USP8: variants seen among roughly 807,000 people sequenced by gnomAD.
USP8 encodes ubiquitin carboxyl-terminal hydrolase 8.
USP8 carries 27 observed loss-of-function variants against 130.0 expected under a neutral mutation model. That is an observed-to-expected ratio of 0.21 (90% CI 0.15 to 0.29). The LOEUF is 0.29. Ranked by LOEUF, USP8 falls within the 10% of genes least tolerant of loss-of-function variation. USP8 has a pLI of 1.00. For missense variants in USP8, 1,029 were observed against 1,312.2 expected (o/e 0.78, Z 3.33); for synonymous variants, 392 against 444.1 (o/e 0.88, Z 1.48).
In USP8 at chr15:50,505,255, A is replaced by G. The variant is rs2052643108; in HGVS notation, c.*6167A>G. On this transcript the variant is annotated 3_prime_UTR_variant, in exon 20 of 20. Transcript: ENST00000307179. ...TAAAAATAATACTGCAGAACAACAG[A>G]GACAAAGAGAAAAAGCTTAAAAGCA... The G allele has an allele frequency of 6.6e-6, 1 of 152,198 alleles. No homozygotes were observed. Among genetic ancestry groups the G allele is most frequent in the African/African-American group, 2.4e-5 (1 of 41,452 alleles). The allele number at this position is 152,198 out of a possible 1,614,324, so 9.4% of individuals were successfully genotyped here. A position where few individuals can be genotyped will look rare whatever the true frequency, so the allele number is the denominator to read the frequency against.
At chr15:50,498,031 A>T (rs1019959498) in intron 18 of USP8, among the ~76,000 whole-genome samples, 1 of 152,210 alleles carries the variant, frequency 6.6e-6, no homozygotes, top group South Asian at 2.1e-4. Flanking sequence ...AAGTATAAAC[A>T]TTCTATAAGT....
chr15:50,447,482 C>T (rs1284296487), intron 3 of USP8, among the ~76,000 whole-genome samples: 1 of 152,096 alleles, frequency 6.6e-6, no homozygotes, highest in African/African-American at 2.4e-5. Context: ...CTCAGGTGAT[C>T]CACCCACCTC....
chr15:50,471,681 C>T lies in USP8; in HGVS notation c.735C>T (p.Asp245=). ...CACACCTGCCAGATGATTCTAAAGA[C>T]ACATGGAAGAAGAGGGGGAATGTGG... The part of the protein sequence containing the change: ...IEAHLPDDSK[D]TWKKRGNVEY... Residue 245 remains aspartate, a synonymous_variant, in exon 8 of 20, where the codon GAC becomes GAT. Transcript: ENST00000307179. 1.9e-6 allele frequency: 3 copies of T among 1,613,958 alleles called. No homozygotes were observed. The highest frequency in any genetic ancestry group is 2.7e-5 in the African/African-American group (2 of 75,002).
intron 6 of USP8, among the ~76,000 whole-genome samples, chr15:50,464,716 G>T (rs2051125098): frequency 6.6e-6 from 1 of 152,092 alleles, no homozygotes. Flanking sequence ...AATTAGCCAG[G>T]CGTGGTAACA....
intron 3 of USP8, among the ~76,000 whole-genome samples, chr15:50,447,407 A>G (rs1274492664): frequency 1.3e-5 from 2 of 151,832 alleles, no homozygotes; most frequent in African/African-American, 2.4e-5. Context: ...CGCCTGGCTA[A>G]TTTTCATATT....
In USP8 at chr15:50,490,284, A is replaced by G. The variant is rs754719632; in HGVS notation, c.1993A>G (p.Thr665Ala). Residue 665 changes from threonine to alanine, a missense_variant, in exon 14 of 20, where the codon ACC becomes GCC. This residue lies in a region of USP8 where 486 missense variants were observed against 522.0 expected (regional missense o/e 0.93). Coordinates refer to ENST00000307179, the MANE Select transcript of USP8 (RefSeq NM_005154.5). ...WAKFLDPITGTFRYYHSPTNT... is the reference protein window; with the variant it reads ...WAKFLDPITGAFRYYHSPTNT... ...TAAGTTTCTTGACCCAATCACTGGA[A>G]CCTTTCGTTATTATCATTCACCCAC... 1 of 1,612,756 alleles carries G rather than the reference A, an allele frequency of 6.2e-7. No individual in the cohort carries two copies. Among genetic ancestry groups the G allele is most frequent in the African/African-American group, 1.3e-5 (1 of 74,636 alleles).
At chr15:50,433,887 G>A (rs1044021890) in intron 1 of USP8, among the ~76,000 whole-genome samples, 1 of 152,238 alleles carries the variant, frequency 6.6e-6, no homozygotes, top group African/African-American at 2.4e-5. Flanking sequence ...TTACAGGCGT[G>A]AGCCACTGTG....
chr15:50,468,711 C>T (rs925255737), intron 7 of USP8, among the ~76,000 whole-genome samples: 1 of 152,082 alleles, frequency 6.6e-6, no homozygotes, highest in Non-Finnish European at 1.5e-5. Context: ...CTTACACTCC[C>T]CCCTCAAGTA....
intron 18 of USP8, 41 bp from the exon 19 acceptor site, chr15:50,498,555 A>G (rs746327016): frequency 1.3e-6 from 2 of 1,554,186 alleles, no homozygotes; most frequent in Non-Finnish European, 1.7e-6. Flanking sequence ...TCATCCTGGT[A>G]TCTTCCTCTG....
intron 7 of USP8, chr15:50,467,029 T>C: frequency 1.8e-6 from 1 of 563,850 alleles, no homozygotes; most frequent in South Asian, 2.5e-5. Flanking sequence ...CTTTCTGAGA[T>C]TGTTAAGCAG....
In USP8 at chr15:50,482,063, A is replaced by G. The variant is rs567071169; in HGVS notation, c.1801A>G (p.Lys601Glu). ...TSVTGDSGSGKPFKIKGQPES... is the reference protein window; with the variant it reads ...TSVTGDSGSGEPFKIKGQPES... ...TGTGACAGGGGATTCAGGTTCAGGC[A>G]AGGTAAGCAGAAACAGTACAAATTG... Residue 601 changes from lysine (K) to glutamate (E), a missense_variant and splice_region_variant, in exon 11 of 20, where the codon AAG (lysine) becomes GAG (glutamate). Transcript: ENST00000307179. 11 of 1,496,004 alleles carry G rather than the reference A, an allele frequency of 7.4e-6. No homozygotes were observed. The East Asian group carries it at 2.4e-4, about 33-fold the overall frequency. The allele number at this position is 1,496,004 out of a possible 1,614,324, so 92.7% of individuals were successfully genotyped here. A position where few individuals can be genotyped will look rare whatever the true frequency, so the allele number is the denominator to read the frequency against.
rs541875051 is a variant in USP8, at chr15:50,507,561, G to C, written c.*8473G>C. On this transcript the variant is annotated 3_prime_UTR_variant, in exon 20 of 20. Transcript: ENST00000307179. ...AAAAAAGGTTTAAATCACCCAAATTGTATAATTTGAAACTGCTACCTACCT... is the reference window on the plus strand; with the variant it reads ...AAAAAAGGTTTAAATCACCCAAATTCTATAATTTGAAACTGCTACCTACCT... The C allele has an allele frequency of 6.6e-6, 1 of 152,076 alleles. No homozygotes were observed. Among genetic ancestry groups the C allele is most frequent in the East Asian group, 1.9e-4 (1 of 5,190 alleles). 9.4% of individuals were successfully genotyped at this position (152,076 alleles called of 1,614,324 possible).
rs565496678 is a variant in USP8 at position 50,477,554 on chromosome 15, G to A, written c.1218+55G>A. ...CTTTTGTTTTAATATTAAATATATAGTATAGCTGGGCACAGTGCCTCACGC... is the reference window on the plus strand; with the variant it reads ...CTTTTGTTTTAATATTAAATATATAATATAGCTGGGCACAGTGCCTCACGC... On this transcript the variant is annotated intron_variant, in intron 10 of 19. Transcript: ENST00000307179. 2.5e-4 allele frequency: 375 copies of A among 1,492,940 alleles called. 2 individuals carry two copies. In the African/African-American group the frequency reaches 4.9e-3, roughly 20 times the overall value. The allele number at this position is 1,492,940 out of a possible 1,614,324, so 92.5% of individuals were successfully genotyped here. A position where few individuals can be genotyped will look rare whatever the true frequency, so the allele number is the denominator to read the frequency against.
At chr15:50,498,243 C>G (rs1220766705) in intron 18 of USP8, 1 of 172,046 alleles carries the variant, frequency 5.8e-6, no homozygotes, top group Non-Finnish European at 1.2e-5. Flanking sequence ...AAGCTTGACT[C>G]GAGAGCAGCT....
chr15:50,435,424 G>A (rs578001130), intron 1 of USP8, among the ~76,000 whole-genome samples: 56 of 152,242 alleles, frequency 3.7e-4, no homozygotes, highest in African/African-American at 1.3e-3. Context: ...TTTAAAGTAA[G>A]GTTATATGCA....
At position 50,508,444 on chromosome 15, in the gene USP8, G is replaced by A. The variant is rs1323319615; in HGVS notation, c.*9356G>A. On this transcript the variant is annotated 3_prime_UTR_variant, in exon 20 of 20. Transcript: ENST00000307179. The stretch of plus-strand genomic sequence containing the variant: ...TGTTATGCTGTCCAATTTTGTATAT[G>A]TTTGAAATATTCTATAATAAAAAAA... The A allele has an allele frequency of 1.3e-5, 2 of 152,088 alleles. No individual in the cohort carries two copies. The highest frequency in any genetic ancestry group is 4.8e-5 in the African/African-American group (2 of 41,400). The allele number at this position is 152,088 out of a possible 1,614,324, so 9.4% of individuals were successfully genotyped here. A position where few individuals can be genotyped will look rare whatever the true frequency, so the allele number is the denominator to read the frequency against.
chr15:50,457,006 C>A (rs940180482), intron 4 of USP8, among the ~76,000 whole-genome samples: 7 of 152,240 alleles, frequency 4.6e-5, no homozygotes, highest in Non-Finnish European at 8.8e-5. Flanking sequence ...ATGCTAATTT[C>A]TTCTCCAAGA....
At chr15:50,486,199 A>G (rs983046271) in intron 12 of USP8, among the ~76,000 whole-genome samples, 11 of 152,180 alleles carry the variant, frequency 7.2e-5, no homozygotes, top group Non-Finnish European at 1.0e-4. Flanking sequence ...AAAGAGGGGG[A>G]AAAAAGGGTA....
rs1027511063 is a variant in USP8, at chr15:50,493,928, T to C, written c.2448-142T>C. On this transcript the variant is annotated intron_variant, in intron 15 of 19. Transcript: ENST00000307179. Reference sequence around the variant, plus strand: ...AAGTCAGATTCAGATGAGAATCTGGTGGTGAGCCTGCAAATAAATAAGTAG... The same window carrying C: ...AAGTCAGATTCAGATGAGAATCTGGCGGTGAGCCTGCAAATAAATAAGTAG... The C allele has an allele frequency of 4.1e-6, 4 of 985,654 alleles. No individual in the cohort carries two copies. The African/African-American group carries it at 6.4e-5, about 16-fold the overall frequency. The allele number at this position is 985,654 out of a possible 1,614,324, so 61.1% of individuals were successfully genotyped here.
Sources: gnomAD v4.1 joint callset for allele counts (sites outside exome capture counted in the v4.1 genomes callset) on GRCh38, gnomAD v4.1.1 for gene constraint, gnomAD v4.1.1 regional missense constraint, MANE v1.5 for transcripts, NCBI Gene and HGNC (gene_info 2026-07-23, HGNC 2026-07-21) for gene names.